The following KHDRBS2 variants were observed in gnomAD, a reference collection of about 807,000 sequenced individuals.
The protein encoded by KHDRBS2 is KH RNA binding domain containing, signal transduction associated 2.
In KHDRBS2, 26 loss-of-function variants were observed where a neutral mutation model predicts 44.3. That is an observed-to-expected ratio of 0.59 (90% CI 0.43 to 0.81). The LOEUF (loss-of-function observed/expected upper bound fraction) is 0.81, where lower values mean the gene tolerates loss of function less well. Ranked by LOEUF, KHDRBS2 falls within the 40% of genes least tolerant of loss-of-function variation. The probability of loss-of-function intolerance (pLI) is 0.00; values close to 1 mark genes in which losing one functional copy is unlikely to be tolerated. For synonymous variants in KHDRBS2, 194 were observed against 151.1 expected, an observed-to-expected ratio of 1.28 and a Z score of -2.08; for missense variants, 476 against 433.1, an observed-to-expected ratio of 1.10 and a Z score of -0.88.
At chr6:62,071,087 A>C (rs1055144408) in intron 2 of KHDRBS2, among the ~76,000 whole-genome samples, 4 of 152,026 alleles carry the variant, frequency 2.6e-5, no homozygotes, top group Non-Finnish European at 5.9e-5. Flanking sequence ...CTCTGATGGC[A>C]AGTGATGATG....
chr6:62,209,231 A>G (rs999758435), intron 1 of KHDRBS2, among the ~76,000 whole-genome samples: 8 of 152,232 alleles, frequency 5.3e-5, no homozygotes, highest in African/African-American at 1.4e-4. Context: ...TAGAAAAGGA[A>G]AAATAGAAAC....
intron 6 of KHDRBS2, among the ~76,000 whole-genome samples, chr6:61,810,576 AT>A (rs1159060191): frequency 6.6e-6 from 1 of 152,130 alleles, no homozygotes; most frequent in Admixed American, 6.6e-5. Flanking sequence ...TTTAATAAAA[AT>A]GTATATTAGA....
intron 1 of KHDRBS2, among the ~76,000 whole-genome samples, chr6:62,233,666 T>C (rs1833232273): frequency 6.6e-6 from 1 of 152,042 alleles, no homozygotes; most frequent in South Asian, 2.1e-4. Flanking sequence ...ATTGACCCAG[T>C]GTATGTTGTT....
chr6:61,954,213 A>G (rs909653411), intron 4 of KHDRBS2, among the ~76,000 whole-genome samples: 3 of 151,896 alleles, frequency 2.0e-5, no homozygotes, highest in African/African-American at 7.3e-5. Context: ...CTACAGTCTG[A>G]TAACTCAGTC....
At chr6:62,209,074 A>C (rs1460761122) in intron 1 of KHDRBS2, among the ~76,000 whole-genome samples, 1 of 152,208 alleles carries the variant, frequency 6.6e-6, no homozygotes, top group Non-Finnish European at 1.5e-5. Context: ...CAACTTACAG[A>C]TGGGGAAACA....
chr6:62,237,168 C>A (rs906358565), intron 1 of KHDRBS2, among the ~76,000 whole-genome samples: 4 of 152,096 alleles, frequency 2.6e-5, no homozygotes, highest in African/African-American at 9.7e-5. Context: ...AAGCATAATT[C>A]TTTTTAAAGA....
the KHDRBS2 span, among the ~76,000 whole-genome samples, chr6:61,670,730 G>C: frequency 6.7e-6 from 1 of 149,122 alleles, no homozygotes; most frequent in East Asian, 2.0e-4. Flanking sequence ...TGCTCATCTA[G>C]TTCATCCTCT....
intron 1 of KHDRBS2, among the ~76,000 whole-genome samples, chr6:62,259,605 G>A (rs855412): frequency 0.21 from 32,258 of 151,746 alleles, 4,464 homozygotes; most frequent in African/African-American, 0.4. Context: ...TAGATTCACT[G>A]AAATAAAAAT....
chr6:61,754,482 G>A (rs1296929379), intron 6 of KHDRBS2, among the ~76,000 whole-genome samples: 3 of 151,796 alleles, frequency 2.0e-5, no homozygotes, highest in Admixed American at 2.0e-4. Flanking sequence ...TTACAAACCT[G>A]GACAACAAAT....
At chr6:61,719,653 T>C (rs1232441639) in intron 7 of KHDRBS2, among the ~76,000 whole-genome samples, 2 of 152,092 alleles carry the variant, frequency 1.3e-5, no homozygotes, top group Non-Finnish European at 2.9e-5. Context: ...TTACTTTTTC[T>C]CCTCATAGAC....
intron 6 of KHDRBS2, among the ~76,000 whole-genome samples, chr6:61,841,427 C>A (rs1793590315): frequency 6.6e-6 from 1 of 152,064 alleles, no homozygotes; most frequent in Non-Finnish European, 1.5e-5. Context: ...TTAAATAATT[C>A]TGTTTAAAAT....
the KHDRBS2 span, among the ~76,000 whole-genome samples, chr6:61,576,020 T>C: frequency 6.6e-6 from 1 of 152,072 alleles, no homozygotes; most frequent in Non-Finnish European, 1.5e-5. Context: ...GCTCAGGTGA[T>C]GGGTGCACCA....
At chr6:61,709,149 A>G (rs190792548) in intron 7 of KHDRBS2, among the ~76,000 whole-genome samples, 166 of 151,810 alleles carry the variant, frequency 1.1e-3, no homozygotes, top group African/African-American at 3.9e-3. Context: ...CTCAGTAAAC[A>G]TATAGAAGCA....
the KHDRBS2 span, among the ~76,000 whole-genome samples, chr6:61,556,569 T>C: frequency 1.3e-5 from 2 of 152,268 alleles, no homozygotes; most frequent in Non-Finnish European, 2.9e-5. Context: ...CCATAGTTTG[T>C]CAGTTTTTCT....
chr6:61,613,464 C>T, the KHDRBS2 span, among the ~76,000 whole-genome samples: 3 of 152,282 alleles, frequency 2.0e-5, no homozygotes, highest in South Asian at 2.1e-4. Flanking sequence ...GCAGCCCCGA[C>T]AGATGACATT....
chr6:62,087,408 C>T (rs1798598651), intron 2 of KHDRBS2, among the ~76,000 whole-genome samples: 1 of 150,366 alleles, frequency 6.7e-6, no homozygotes, highest in South Asian at 2.1e-4. Flanking sequence ...AAGACAATTT[C>T]ATAAATTTAG....
intron 4 of KHDRBS2, among the ~76,000 whole-genome samples, chr6:61,945,108 AAAAAGTATAT>A (rs1169393022): frequency 1.6e-4 from 9 of 54,992 alleles, no homozygotes; most frequent in African/African-American, 4.8e-4. Context: ...AAAAAAAAAA[AAAAAGTATAT>A]ATATATATAT....
At chr6:62,127,193 A>G (rs1421047440) in intron 2 of KHDRBS2, among the ~76,000 whole-genome samples, 5 of 152,200 alleles carry the variant, frequency 3.3e-5, no homozygotes, top group Non-Finnish European at 7.3e-5. Context: ...GTATTGAAAT[A>G]CAATCACATA....
chr6:62,219,108 G>A (rs1203151906), intron 1 of KHDRBS2, among the ~76,000 whole-genome samples: 2 of 151,638 alleles, frequency 1.3e-5, no homozygotes, highest in Non-Finnish European at 3.0e-5. Context: ...TCACCACTAT[G>A]CAGTATAAGG....
Sources: allele counts gnomAD v4.1 joint callset (sites outside exome capture counted in the v4.1 genomes callset), GRCh38; gene constraint gnomAD v4.1.1; transcripts MANE v1.5; gene names NCBI Gene and HGNC (gene_info 2026-07-23, HGNC 2026-07-21).